EEPD1: variants seen among roughly 807,000 people sequenced by gnomAD.
EEPD1 encodes the protein endonuclease/exonuclease/phosphatase family domain containing 1, also known as endonuclease/exonuclease/phosphatase family domain-containing protein 1.
In EEPD1, 17 loss-of-function variants were observed where a neutral mutation model predicts 46.3. That is an observed-to-expected ratio of 0.37 (90% CI 0.25 to 0.55). The LOEUF (loss-of-function observed/expected upper bound fraction) is 0.55, where lower values mean the gene tolerates loss of function less well. Ranked by LOEUF, EEPD1 falls within the 20% of genes least tolerant of loss-of-function variation. EEPD1 has a pLI of 0.83. For synonymous variants in EEPD1, 313 were observed against 315.6 expected (o/e 0.99, Z 0.09); for missense variants, 673 against 745.6 (o/e 0.90, Z 1.13).
At chr7:36,293,894 G>A (rs1241169885) in intron 6 of EEPD1, among the ~76,000 whole-genome samples, 5 of 151,946 alleles carry the variant, frequency 3.3e-5, no homozygotes, top group African/African-American at 1.2e-4. Flanking sequence ...AACCCGGGAG[G>A]CGGAAGCTGT....
At chr7:36,190,234 T>C (rs573478269) in intron 2 of EEPD1, among the ~76,000 whole-genome samples, 210 of 152,276 alleles carry the variant, frequency 1.4e-3, no homozygotes, top group African/African-American at 4.8e-3. Context: ...TAGCTGGGCA[T>C]GGTGGTTCAT....
intron 6 of EEPD1, among the ~76,000 whole-genome samples, chr7:36,292,340 TTTTC>T (rs1412076898): frequency 5.3e-5 from 8 of 151,894 alleles, no homozygotes; most frequent in African/African-American, 9.7e-5. Flanking sequence ...AGAACCACTG[TTTTC>T]TTTCTTTCTT....
chr7:36,204,477 C>G (rs1785775978), intron 2 of EEPD1, among the ~76,000 whole-genome samples: 1 of 152,126 alleles, frequency 6.6e-6, no homozygotes, highest in Non-Finnish European at 1.5e-5. Context: ...TGAGCCGTGC[C>G]CTATGCCAAA....
intron 1 of EEPD1, among the ~76,000 whole-genome samples, 189 bp downstream of exon 1, chr7:36,153,863 G>A (rs999033427): frequency 1.3e-5 from 2 of 152,202 alleles, no homozygotes; most frequent in African/African-American, 2.4e-5. Context: ...AGAGTTGAGA[G>A]AGGCCTGGAG....
intron 5 of EEPD1, among the ~76,000 whole-genome samples, chr7:36,286,043 GC>G (rs1476249544): frequency 2.0e-5 from 3 of 152,130 alleles, no homozygotes; most frequent in Non-Finnish European, 4.4e-5. Flanking sequence ...ACCACCCTGG[GC>G]CCTTTTTTTA....
At chr7:36,249,465 T>A (rs913500756) in intron 3 of EEPD1, among the ~76,000 whole-genome samples, 3 of 152,204 alleles carry the variant, frequency 2.0e-5, no homozygotes, top group Non-Finnish European at 4.4e-5. Flanking sequence ...ATAAACACGC[T>A]ATGGCATGCT....
intron 3 of EEPD1, among the ~76,000 whole-genome samples, chr7:36,247,145 GA>G (rs1348533243): frequency 2.0e-5 from 3 of 149,126 alleles, no homozygotes; most frequent in Non-Finnish European, 4.5e-5. Flanking sequence ...AAAAAGAAAA[GA>G]AAAAAATTGA....
intron 2 of EEPD1, among the ~76,000 whole-genome samples, chr7:36,219,079 T>A (rs946700014): frequency 5.3e-5 from 8 of 152,050 alleles, no homozygotes; most frequent in African/African-American, 1.4e-4. Flanking sequence ...GTGGGAAATA[T>A]CAAAAACCAA....
rs140754025 is a variant in EEPD1 at position 36,281,516 on chromosome 7, C to T, written c.1041+291C>T. ...CTGTCCTTTGTCCTTCTAATCCCTT[C>T]GCCACAGTTCTGTCTTCTGCCAAGT... On this transcript the variant is annotated intron_variant, in intron 4 of 7. Coordinates refer to ENST00000242108, the MANE Select transcript of EEPD1 (RefSeq NM_030636.3). 2.0e-5 allele frequency among the ~76,000 whole-genome samples: 3 copies of T among 152,298 alleles called. No individual in the cohort carries two copies. The East Asian group carries it at 5.8e-4, about 29-fold the overall frequency.
chr7:36,269,631 C>T (rs539240100), intron 3 of EEPD1, among the ~76,000 whole-genome samples: 4 of 152,228 alleles, frequency 2.6e-5, no homozygotes, highest in South Asian at 2.1e-4. Flanking sequence ...TGCGGTGGCT[C>T]ACGCCCGGAA....
intron 2 of EEPD1, among the ~76,000 whole-genome samples, chr7:36,219,190 G>T (rs1033128323): frequency 4.6e-5 from 7 of 152,014 alleles, no homozygotes; most frequent in African/African-American, 1.7e-4. Flanking sequence ...TGCTAATTGT[G>T]GAATGTAGGC....
At chr7:36,208,974 C>A (rs915849194) in intron 2 of EEPD1, among the ~76,000 whole-genome samples, 2 of 152,192 alleles carry the variant, frequency 1.3e-5, no homozygotes, top group African/African-American at 4.8e-5. Flanking sequence ...GGAACCTCTC[C>A]TGGAGAGGTA....
chr7:36,268,609 CA>C (rs1009182912), intron 3 of EEPD1, among the ~76,000 whole-genome samples: 9 of 152,322 alleles, frequency 5.9e-5, no homozygotes, highest in African/African-American at 1.9e-4. Flanking sequence ...CTCCTGGCCC[CA>C]ACCGTGATTC....
At chr7:36,290,276 C>T (rs1787407977) in intron 6 of EEPD1, among the ~76,000 whole-genome samples, 8 of 152,132 alleles carry the variant, frequency 5.3e-5, no homozygotes, top group Admixed American at 5.2e-4. Context: ...AAACCTTGGG[C>T]AGGTTATGTT....
chr7:36,205,872 T>C (rs1470641526), intron 2 of EEPD1, among the ~76,000 whole-genome samples: 4 of 152,064 alleles, frequency 2.6e-5, no homozygotes, highest in Admixed American at 2.0e-4. Flanking sequence ...CAAAACCCCA[T>C]AGAAACTCTC....
chr7:36,219,165 G>A (rs1435321173), intron 2 of EEPD1, among the ~76,000 whole-genome samples: 1 of 152,116 alleles, frequency 6.6e-6, no homozygotes, highest in Non-Finnish European at 1.5e-5. Context: ...GTGGGCAGAT[G>A]TGTGATAATG....
At chr7:36,251,038 A>G (rs1227493931) in intron 3 of EEPD1, among the ~76,000 whole-genome samples, 1 of 152,160 alleles carries the variant, frequency 6.6e-6, no homozygotes, top group Non-Finnish European at 1.5e-5. Context: ...AGACAATATC[A>G]TGTCCCACTG....
chr7:36,180,654 A>C (rs948882940), intron 2 of EEPD1, among the ~76,000 whole-genome samples: 2 of 152,132 alleles, frequency 1.3e-5, no homozygotes, highest in Admixed American at 1.3e-4. Flanking sequence ...AGGAGTCTGC[A>C]CATGTCTGCC....
chr7:36,176,233 T>C (rs2115642687), intron 2 of EEPD1, among the ~76,000 whole-genome samples: 1 of 152,228 alleles, frequency 6.6e-6, no homozygotes, highest in African/African-American at 2.4e-5. Flanking sequence ...CTGAAGAGGA[T>C]AAAGCCAGGC....
Sources: gnomAD v4.1 joint callset for allele counts (sites outside exome capture counted in the v4.1 genomes callset) on GRCh38, gnomAD v4.1.1 for gene constraint, MANE v1.5 for transcripts, NCBI Gene and HGNC (gene_info 2026-07-23, HGNC 2026-07-21) for gene names.